SLC26A4: variants seen among roughly 807,000 people sequenced by gnomAD.
SLC26A4 encodes the protein pendrin.
In SLC26A4, 93 loss-of-function variants were observed where a neutral mutation model predicts 90.4. The ratio of observed to expected loss-of-function variants is 1.03; its 90% confidence interval spans 0.87 to 1.22. SLC26A4 has a LOEUF of 1.22. SLC26A4 is among the 50% of genes most tolerant of loss of function. SLC26A4 has a pLI of 0.00. For missense variants in SLC26A4, 1,127 were observed against 946.2 expected, an observed-to-expected ratio of 1.19 and a Z score of -2.51; for synonymous variants, 393 against 354.6, an observed-to-expected ratio of 1.11 and a Z score of -1.22.
rs151207003 is a variant in SLC26A4 at position 107,668,611 on chromosome 7, A to G, written c.305-3527A>G. The stretch of plus-strand genomic sequence containing the variant: ...TCTTTGTGATTTTTGTTATTAAAAC[A>G]AATTCCCATCAGACAGCAAAAGATC... On this transcript the variant is annotated intron_variant, in intron 3 of 20. Transcript: ENST00000644269. 9.1e-3 allele frequency among the ~76,000 whole-genome samples: 1,391 copies of G among 152,328 alleles called. 26 individuals are homozygous for G. The highest frequency in any genetic ancestry group is 0.032 in the African/African-American group (1,314 of 41,574).
At chr7:107,666,683 G>C (rs1005659317) in intron 3 of SLC26A4, among the ~76,000 whole-genome samples, 1 of 152,186 alleles carries the variant, frequency 6.6e-6, no homozygotes, top group African/African-American at 2.4e-5. Context: ...AGAAAACTTA[G>C]CATTTTCCAG....
chr7:107,665,376 G>T (rs1790678679), intron 3 of SLC26A4, among the ~76,000 whole-genome samples: 1 of 152,060 alleles, frequency 6.6e-6, no homozygotes, highest in Non-Finnish European at 1.5e-5. Flanking sequence ...TCACAAAGGT[G>T]GACGGGAGAG....
At chr7:107,691,896 G>GCAATT in intron 10 of SLC26A4, 1 of 1,278,254 alleles carries the variant, frequency 7.8e-7, no homozygotes, top group Non-Finnish European at 1.0e-6. Flanking sequence ...TTCCAAAGCT[G>GCAATT]TGCACATTTC....
chr7:107,677,446 A>T (rs1477950218), intron 6 of SLC26A4, among the ~76,000 whole-genome samples: 1 of 152,116 alleles, frequency 6.6e-6, no homozygotes, highest in African/African-American at 2.4e-5. Context: ...TGAGTTTATT[A>T]TTATTATTAT....
intron 17 of SLC26A4, among the ~76,000 whole-genome samples, chr7:107,704,060 T>G (rs561334787): frequency 6.6e-6 from 1 of 152,298 alleles, no homozygotes; most frequent in African/African-American, 2.4e-5. Flanking sequence ...CCTCCTGTAC[T>G]CTCTTCTTTC....
chr7:107,711,777 G>T lies in SLC26A4; in HGVS notation c.2236-762G>T, dbSNP rs1250819486. ...TTTTACCATCACAGGACTATCTCAG[G>T]ACACAACTTGTAGTTAGACTTATCC... On this transcript the variant is annotated intron_variant, in intron 19 of 20. Coordinates refer to ENST00000644269, the MANE Select transcript of SLC26A4 (RefSeq NM_000441.2). Among the ~76,000 whole-genome samples, 4 of 152,114 alleles carry T rather than the reference G, an allele frequency of 2.6e-5. No individual in the cohort carries two copies. In the East Asian group the frequency reaches 7.7e-4, roughly 29 times the overall value.
Position 107,661,771 on chromosome 7 carries a change from A to G in SLC26A4, c.130A>G (p.Lys44Glu). 2 of 1,541,946 alleles carry G rather than the reference A, an allele frequency of 1.3e-6. No individual in the cohort carries two copies. The highest frequency in any genetic ancestry group is 1.7e-6 in the Non-Finnish European group (2 of 1,147,786). Residue 44 changes from lysine to glutamate, a missense_variant, in exon 2 of 21, where the codon AAG becomes GAG. Transcript: ENST00000644269. The surrounding 1 kb of genome is among the most constrained non-coding windows in gnomAD (Gnocchi z 5.1). ...QQHERRLQER[K>E]TLRESLAKCC... Reference sequence around the variant, plus strand: ...GCACGAGCGGCGCCTGCAGGAGCGCAAGACGCTGCGGGAGAGCCTGGCCAA... The same window carrying G: ...GCACGAGCGGCGCCTGCAGGAGCGCGAGACGCTGCGGGAGAGCCTGGCCAA...
chr7:107,702,058 G>T lies in SLC26A4; in HGVS notation c.2034+1G>T, dbSNP rs759683649. ...TGTTGGAGTGAGATCACTGCGGGTG[G>T]TAAGGTTCTGGTTTTCTGAATTATA... On this transcript the variant is annotated splice_donor_variant, in intron 17 of 20. Coordinates refer to ENST00000644269, the MANE Select transcript of SLC26A4 (RefSeq NM_000441.2). LOFTEE classifies it high-confidence loss of function. 6.3e-7 allele frequency: 1 copy of T among 1,593,798 alleles called. No individual in the cohort carries two copies. The highest frequency in any genetic ancestry group is 1.3e-5 in the African/African-American group (1 of 74,486).
chr7:107,701,224 T>A (rs371588413), intron 16 of SLC26A4, 28 bp downstream of exon 16: 2 of 1,400,318 alleles, frequency 1.4e-6, no homozygotes, highest in Admixed American at 1.7e-5. Flanking sequence ...TTTTCCCCCT[T>A]AAATTATTTC....
chr7:107,700,063 A>G lies in SLC26A4; in HGVS notation c.1615-20A>G. The G allele has an allele frequency of 7.5e-7, 1 of 1,334,776 alleles. No homozygotes were observed. The highest frequency in any genetic ancestry group is 1.1e-6 in the Non-Finnish European group (1 of 925,378). The allele number at this position is 1,334,776 out of a possible 1,614,324, so 82.7% of individuals were successfully genotyped here. On this transcript the variant is annotated intron_variant, in intron 14 of 20. Coordinates refer to ENST00000644269, the MANE Select transcript of SLC26A4 (RefSeq NM_000441.2). ...GAGGCTTGAAATTATTTAATCCCAG[A>G]CAATTTCTTTTAATGCCAGATTGAA...
At chr7:107,695,590 C>T (rs1423463123) in intron 12 of SLC26A4, among the ~76,000 whole-genome samples, 3 of 152,088 alleles carry the variant, frequency 2.0e-5, no homozygotes, top group African/African-American at 7.2e-5. Flanking sequence ...ATCACTTGAG[C>T]TCAGGAATTT....
intron 18 of SLC26A4, among the ~76,000 whole-genome samples, chr7:107,704,666 T>C (rs1416152555): frequency 3.3e-5 from 5 of 152,180 alleles, no homozygotes; most frequent in Non-Finnish European, 7.3e-5. Context: ...AGTTACTTTC[T>C]TGTAAGTCAG....
At chr7:107,678,710 T>C (rs1358752938) in intron 6 of SLC26A4, among the ~76,000 whole-genome samples, 4 of 149,146 alleles carry the variant, frequency 2.7e-5, no homozygotes, top group Non-Finnish European at 5.9e-5. Flanking sequence ...CATCCCTATA[T>C]GGTGGTGAAT....
At position 107,695,952 on chromosome 7, in the gene SLC26A4, G is replaced by T; in HGVS notation, c.1457G>T (p.Cys486Phe). 6.2e-7 allele frequency: 1 copy of T among 1,604,166 alleles called. No homozygotes were observed. Among genetic ancestry groups the T allele is most frequent in the Non-Finnish European group, 8.5e-7 (1 of 1,171,224 alleles). Residue 486 changes from cysteine to phenylalanine, a missense_variant, in exon 13 of 21, where the codon TGT becomes TTT. Transcript: ENST00000644269. The part of the protein sequence containing the change: ...KIDAVIWVFT[C>F]IVSIILGLDL... ...CCCTAGGTTATCTGGGTGTTTACGT[G>T]TATAGTGTCCATCATTCTGGGGCTG...
At chr7:107,683,799 A>T (rs577820221) in intron 8 of SLC26A4, among the ~76,000 whole-genome samples, 2 of 152,162 alleles carry the variant, frequency 1.3e-5, no homozygotes, top group Non-Finnish European at 1.5e-5. Context: ...TTAACACCAG[A>T]GTCCTGATTT....
chr7:107,663,499 C>T, intron 3 of SLC26A4, 64 bp downstream of exon 3: 1 of 1,575,544 alleles, frequency 6.3e-7, no homozygotes, highest in Non-Finnish European at 8.7e-7. Flanking sequence ...TCCCCAGCTA[C>T]CATAGGTCTG....
At chr7:107,686,669 G>A (rs991184980) in intron 8 of SLC26A4, among the ~76,000 whole-genome samples, 5 of 151,818 alleles carry the variant, frequency 3.3e-5, no homozygotes, top group Non-Finnish European at 7.4e-5. Context: ...TAGTAGAGAC[G>A]GGGTTTCACC....
Position 107,666,616 on chromosome 7 carries a change from C to T in SLC26A4, c.304+3181C>T, listed in dbSNP as rs575867597. Among the ~76,000 whole-genome samples the T allele has an allele frequency of 9.9e-5, 15 of 152,174 alleles. 1 individual carries two copies. The South Asian group carries it at 2.9e-3, about 30-fold the overall frequency. On this transcript the variant is annotated intron_variant, in intron 3 of 20. Coordinates refer to ENST00000644269, the MANE Select transcript of SLC26A4 (RefSeq NM_000441.2). The stretch of plus-strand genomic sequence containing the variant: ...GACAAGAGAATGAGAAGGAGACAGC[C>T]ATGTGATAAGCAGAAAAAAAGAGTG...
In SLC26A4 at chr7:107,689,989, C is replaced by T. The variant is rs2072063; in HGVS notation, c.1150-135C>T. On this transcript the variant is annotated intron_variant, in intron 9 of 20. Coordinates refer to ENST00000644269, the MANE Select transcript of SLC26A4 (RefSeq NM_000441.2). ...GTACAAGGACCCCAAGTACCTATCA[C>T]GGTAAAAATTAAATTGGACCACCAC... The T allele has an allele frequency of 0.063, 45,624 of 725,744 alleles. 1,700 individuals are homozygous for T. Among genetic ancestry groups the T allele is most frequent in the South Asian group, 0.074 (5,195 of 69,748 alleles). 45.0% of individuals were successfully genotyped at this position (725,744 alleles called of 1,614,324 possible). A position where few individuals can be genotyped will look rare whatever the true frequency, so the allele number is the denominator to read the frequency against.
Sources: allele counts gnomAD v4.1 joint callset (sites outside exome capture counted in the v4.1 genomes callset), GRCh38; gene constraint gnomAD v4.1.1; non-coding constraint Gnocchi (gnomAD v3.1); transcripts MANE v1.5; gene names NCBI Gene and HGNC (gene_info 2026-07-23, HGNC 2026-07-21).